Variants in DPF3 observed in about 807,000 individuals in gnomAD.
DPF3 encodes zinc finger protein DPF3.
Under a neutral mutation model 56.8 loss-of-function variants are expected in DPF3, and 18 were observed. The observed-to-expected ratio is 0.32, with a 90% CI of 0.22 to 0.47. The LOEUF is 0.47. Ranked by LOEUF, DPF3 falls within the 20% of genes least tolerant of loss-of-function variation. The probability of loss-of-function intolerance (pLI) is 1.00; values close to 1 mark genes in which losing one functional copy is unlikely to be tolerated. For missense variants in DPF3, 403 were observed against 488.8 expected (o/e 0.82, Z 1.65); for synonymous variants, 188 against 180.2 (o/e 1.04, Z -0.35).
At position 72,732,926 on chromosome 14, in the gene DPF3, C is replaced by T. The variant is rs974681562; in HGVS notation, c.302-992G>A. Among the ~76,000 whole-genome samples, 12 of 149,900 alleles carry T rather than the reference C, an allele frequency of 8.0e-5. 1 individual carries two copies. Among genetic ancestry groups the T allele is most frequent in the Non-Finnish European group, 7.4e-5 (5 of 67,724 alleles). The stretch of plus-strand genomic sequence containing the variant: ...TTTCTTTCTCTTTCTTTCTTTCTCT[C>T]TCTCTCTCTTTCTTTCTCTTTTAGA... On this transcript the variant is annotated intron_variant, in intron 3 of 10. Coordinates refer to ENST00000556509, the MANE Select transcript of DPF3 (RefSeq NM_001280542.3).
intron 1 of DPF3, among the ~76,000 whole-genome samples, chr14:72,868,857 C>T (rs970985882): frequency 1.3e-5 from 2 of 152,190 alleles, no homozygotes; most frequent in Non-Finnish European, 2.9e-5. Context: ...CCCCAAAACC[C>T]ACTCATCCTG....
chr14:72,882,639 A>G (rs2140125971), intron 1 of DPF3, among the ~76,000 whole-genome samples: 1 of 152,334 alleles, frequency 6.6e-6, no homozygotes, highest in South Asian at 2.1e-4. Context: ...CTTAGCATTC[A>G]TCACAGGCAG....
intron 3 of DPF3, among the ~76,000 whole-genome samples, chr14:72,736,831 G>A (rs1161363649): frequency 6.6e-6 from 1 of 152,010 alleles, no homozygotes; most frequent in African/African-American, 2.4e-5. Flanking sequence ...CCCGACAGGA[G>A]CCATTGAACC....
chr14:72,823,689 C>A (rs1883657712), intron 1 of DPF3, among the ~76,000 whole-genome samples: 1 of 152,152 alleles, frequency 6.6e-6, no homozygotes, highest in African/African-American at 2.4e-5. Flanking sequence ...TAAGCAGTTA[C>A]CTTGAGAACA....
intron 1 of DPF3, among the ~76,000 whole-genome samples, chr14:72,780,057 G>A (rs1891908979): frequency 6.6e-6 from 1 of 152,206 alleles, no homozygotes; most frequent in Non-Finnish European, 1.5e-5. Context: ...CTGCCACATT[G>A]GGTAAATGAT....
chr14:72,652,916 G>A (rs925299012), intron 8 of DPF3, among the ~76,000 whole-genome samples: 12 of 152,200 alleles, frequency 7.9e-5, no homozygotes, highest in African/African-American at 2.7e-4. Flanking sequence ...GGTGGGAAGA[G>A]AGGTCAATGT....
chr14:72,638,728 C>G (rs1193963859), intron 8 of DPF3, among the ~76,000 whole-genome samples: 2 of 152,122 alleles, frequency 1.3e-5, no homozygotes, highest in Non-Finnish European at 2.9e-5. Context: ...CTTTCCTATC[C>G]TTTTCTACGT....
intron 6 of DPF3, among the ~76,000 whole-genome samples, chr14:72,704,666 A>C (rs964193148): frequency 2.0e-5 from 3 of 152,106 alleles, no homozygotes; most frequent in Non-Finnish European, 4.4e-5. Context: ...CTCATATGTC[A>C]GTTTCATCAC....
intron 1 of DPF3, among the ~76,000 whole-genome samples, chr14:72,840,650 C>G (rs1049973599): frequency 1.3e-5 from 2 of 152,152 alleles, no homozygotes; most frequent in African/African-American, 4.8e-5. Context: ...CATAATTTGC[C>G]AAAATCCTTT....
At position 72,614,938 on chromosome 14, in the gene DPF3, C is replaced by G. The variant is rs1358399911; in HGVS notation, c.*4359G>C. ...TCCCACCCTCCCTTCCCCAGGCACCCCTGTCTTTCTCCCTCCCCAGGAATG... is the reference window on the plus strand; with the variant it reads ...TCCCACCCTCCCTTCCCCAGGCACCGCTGTCTTTCTCCCTCCCCAGGAATG... On this transcript the variant is annotated 3_prime_UTR_variant, in exon 11 of 11. Coordinates refer to ENST00000556509, the MANE Select transcript of DPF3 (RefSeq NM_001280542.3). Among the ~76,000 whole-genome samples, 1 of 151,502 alleles carries G rather than the reference C, an allele frequency of 6.6e-6. No homozygotes were observed. The highest frequency in any genetic ancestry group is 1.5e-5 in the Non-Finnish European group (1 of 67,860).
At chr14:72,726,830 G>A (rs978037110) in intron 4 of DPF3, among the ~76,000 whole-genome samples, 7 of 151,820 alleles carry the variant, frequency 4.6e-5, no homozygotes, top group East Asian at 3.9e-4. Flanking sequence ...TGATAACAGC[G>A]GTTTGTGGTT....
At chr14:72,879,875 G>C in intron 1 of DPF3, 1 of 1,535,276 alleles carries the variant, frequency 6.5e-7, no homozygotes, top group East Asian at 2.4e-5. Flanking sequence ...TAAAACCATA[G>C]GCAGATGTTC....
chr14:72,756,439 G>A (rs1409376908), intron 2 of DPF3, among the ~76,000 whole-genome samples: 2 of 152,156 alleles, frequency 1.3e-5, no homozygotes, highest in Non-Finnish European at 2.9e-5. Flanking sequence ...TTCAGCAGGT[G>A]GATCCTGAGG....
rs936409356 is a variant in DPF3 at position 72,866,771 on chromosome 14, G to A, written c.32+27286C>T. On this transcript the variant is annotated intron_variant, in intron 1 of 10. Transcript: ENST00000556509. ...CTCGGGAGGCTGAGACAGGAGAATCGCTTGAACCCAGGAGGTGGATGTTGC... is the reference window on the plus strand; with the variant it reads ...CTCGGGAGGCTGAGACAGGAGAATCACTTGAACCCAGGAGGTGGATGTTGC... Among the ~76,000 whole-genome samples the A allele has an allele frequency of 8.0e-5, 12 of 150,684 alleles. 1 individual carries two copies. The highest frequency in any genetic ancestry group is 2.1e-4 in the South Asian group (1 of 4,798).
At chr14:72,648,736 T>G (rs1885804397) in intron 8 of DPF3, among the ~76,000 whole-genome samples, 1 of 152,086 alleles carries the variant, frequency 6.6e-6, no homozygotes, top group African/African-American at 2.4e-5. Flanking sequence ...CCTCTCACCC[T>G]GAGAATTTTG....
At chr14:72,872,671 A>C (rs1478046269) in intron 1 of DPF3, among the ~76,000 whole-genome samples, 1 of 152,250 alleles carries the variant, frequency 6.6e-6, no homozygotes, top group Non-Finnish European at 1.5e-5. Context: ...ACTTCAAACT[A>C]TACTACAAGG....
rs933611112 is a variant in DPF3 at position 72,757,870 on chromosome 14, T to C, written c.194-4499A>G. Among the ~76,000 whole-genome samples, 11 of 152,242 alleles carry C rather than the reference T, an allele frequency of 7.2e-5. No homozygotes were observed. In the South Asian group the frequency reaches 1.2e-3, roughly 17 times the overall value. On this transcript the variant is annotated intron_variant, in intron 2 of 10. Transcript: ENST00000556509. Reference sequence around the variant, plus strand: ...CTGTTATGTATATAACATACTATCATTTATTTAACAAATGGGGATACACAC... The same window carrying C: ...CTGTTATGTATATAACATACTATCACTTATTTAACAAATGGGGATACACAC...
chr14:72,728,804 C>T (rs1889515644), intron 4 of DPF3, among the ~76,000 whole-genome samples: 1 of 151,988 alleles, frequency 6.6e-6, no homozygotes, highest in South Asian at 2.1e-4. Flanking sequence ...AGACAATAAA[C>T]AATAACATAA....
At chr14:72,711,706 C>T (rs538637205) in intron 6 of DPF3, among the ~76,000 whole-genome samples, 1 of 152,110 alleles carries the variant, frequency 6.6e-6, no homozygotes, top group South Asian at 2.1e-4. Context: ...TGTGCCTATT[C>T]GTAGGGGAAA....
Sources: allele counts gnomAD v4.1 joint callset (sites outside exome capture counted in the v4.1 genomes callset), GRCh38; gene constraint gnomAD v4.1.1; transcripts MANE v1.5; gene names NCBI Gene and HGNC (gene_info 2026-07-23, HGNC 2026-07-21).